Variants in PCYT1B observed in about 807,000 individuals in gnomAD.
PCYT1B encodes phosphate cytidylyltransferase 1B, choline, also known as choline-phosphate cytidylyltransferase B.
A neutral mutation model predicts 26.4 loss-of-function variants in PCYT1B; 10 were observed. The observed-to-expected ratio is 0.38, with a 90% CI of 0.23 to 0.64. The LOEUF is 0.64. Among genes scored for constraint, PCYT1B ranks in the 30% least tolerant of loss-of-function variants. The probability of loss-of-function intolerance (pLI) is 0.56; values close to 1 mark genes in which losing one functional copy is unlikely to be tolerated. For synonymous variants in PCYT1B, 131 were observed against 108.4 expected, an observed-to-expected ratio of 1.21 and a Z score of -1.29; for missense variants, 161 against 292.7, an observed-to-expected ratio of 0.55 and a Z score of 3.28.
At chrX:24,612,238 C>A (rs1267241527) in intron 2 of PCYT1B, among the ~76,000 whole-genome samples, 3 of 112,583 alleles carry the variant, frequency 2.7e-5, no homozygotes, top group Non-Finnish European at 5.6e-5. Context: ...AGCTTGGAAG[C>A]AGATCTAACA....
chrX:24,647,068 C>G lies in PCYT1B; in HGVS notation c.38G>C (p.Gly13Ala). ...VVTTDAESET[G>A]IPKSLSNEPP... ...CTCATTGGAAAGGGATTTTGGGATA[C>G]CTGTTTCTGACTCAGCATCAGTGGT... is the stretch of plus-strand genomic sequence containing the variant. The change falls in exon 1 of 8, where the codon GGT (glycine) becomes GCT (alanine). Residue 13 changes from glycine to alanine, a missense_variant. By Grantham distance (60) the Gly-to-Ala change is moderately conservative. Coordinates refer to ENST00000379144, the MANE Select transcript of PCYT1B (RefSeq NM_004845.5). 8.3e-7 allele frequency: 1 copy of G among 1,210,254 alleles called. No homozygotes were observed. The highest frequency in any genetic ancestry group is 1.1e-6 in the Non-Finnish European group (1 of 894,136).
chrX:24,593,460 CT>C (rs1924658285), intron 3 of PCYT1B, among the ~76,000 whole-genome samples: 2 of 10,597 alleles, frequency 1.9e-4, no homozygotes, highest in South Asian at 3.4e-3. Context: ...CTTTTCTTTT[CT>C]TTTCTTTTCT....
chrX:24,593,408 C>A (rs745594836), intron 3 of PCYT1B, among the ~76,000 whole-genome samples: 1 of 90,339 alleles, frequency 1.1e-5, no homozygotes, highest in South Asian at 5.0e-4. Context: ...CTTTCCCTTT[C>A]TTTCTTTCTC....
chrX:24,561,515 T>C lies in PCYT1B; in HGVS notation c.*778A>G, dbSNP rs567643846. 8.9e-6 allele frequency: 1 copy of C among 112,465 alleles called. No homozygotes were observed. The highest frequency in any genetic ancestry group is 1.9e-5 in the Non-Finnish European group (1 of 53,349). The allele number at this position is 112,465 out of a possible 1,213,427, so 9.3% of individuals were successfully genotyped here. On this transcript the variant is annotated 3_prime_UTR_variant, in exon 8 of 8. Transcript: ENST00000379144. Reference sequence around the variant, plus strand: ...GCAAAGCAAAGCAGCTCCTCTTTTTTATATATTAGGAAGTTTTTCTTTGTT... The same window carrying C: ...GCAAAGCAAAGCAGCTCCTCTTTTTCATATATTAGGAAGTTTTTCTTTGTT...
intron 1 of PCYT1B, among the ~76,000 whole-genome samples, chrX:24,659,488 A>T (rs561056968): frequency 1.2e-3 from 140 of 112,109 alleles, no homozygotes; most frequent in Non-Finnish European, 2.3e-3. Context: ...GTGAGAAATG[A>T]TCTTTCCAAA....
intron 1 of PCYT1B, among the ~76,000 whole-genome samples, chrX:24,669,554 T>C (rs1265221460): frequency 9.4e-6 from 1 of 106,516 alleles, no homozygotes; most frequent in Non-Finnish European, 1.9e-5. Context: ...AGGAACTGAA[T>C]TTTAAATTTT....
chrX:24,559,383 GAAAGAA>G lies in PCYT1B; in HGVS notation c.*2904_*2909del, dbSNP rs1327934365. On this transcript the variant is annotated 3_prime_UTR_variant, in exon 8 of 8. Transcript: ENST00000379144. ...GAATGAAAGAAAGAAGGAAGAAAGA[GAAAGAA>G]AAAGAAAGAAAGAAAAAGAGGAAAG... 2.3e-5 allele frequency: 2 copies of G among 88,198 alleles called. No homozygotes were observed. The highest frequency in any genetic ancestry group is 1.3e-4 in the Admixed American group (1 of 7,638). 7.3% of individuals were successfully genotyped at this position (88,198 alleles called of 1,213,427 possible).
chrX:24,649,506 A>G (rs1391498068), upstream of PCYT1B, among the ~76,000 whole-genome samples: 6 of 111,661 alleles, frequency 5.4e-5, no homozygotes, highest in Non-Finnish European at 1.1e-4. Context: ...CACTGTTCAC[A>G]TTGGAAAGCA....
At chrX:24,588,225 G>T (rs967232394) in intron 4 of PCYT1B, among the ~76,000 whole-genome samples, 2 of 110,773 alleles carry the variant, frequency 1.8e-5, no homozygotes, top group Non-Finnish European at 3.8e-5. Flanking sequence ...TCTCTCCATT[G>T]CAACTACACC....
intron 2 of PCYT1B, among the ~76,000 whole-genome samples, chrX:24,611,611 C>G (rs1356112648): frequency 2.7e-5 from 3 of 111,595 alleles, no homozygotes; most frequent in African/African-American, 9.8e-5. Flanking sequence ...GGACCTGTAA[C>G]TTGCTTCTAA....
At chrX:24,587,119 G>A (rs1236700950) in intron 5 of PCYT1B, 122 bp downstream of exon 5, 4 of 483,059 alleles carry the variant, frequency 8.3e-6, no homozygotes, top group Non-Finnish European at 1.4e-5. Context: ...CCGCCTGGGG[G>A]ACACCTAAAG....
intron 1 of PCYT1B, among the ~76,000 whole-genome samples, chrX:24,619,907 C>CA (rs1925646382): frequency 8.9e-6 from 1 of 112,521 alleles, no homozygotes; most frequent in Admixed American, 9.4e-5. Flanking sequence ...ATGAAAACCT[C>CA]ACTCTCTCCA....
chrX:24,642,686 G>A (rs1926503440), intron 1 of PCYT1B, among the ~76,000 whole-genome samples: 1 of 111,909 alleles, frequency 8.9e-6, no homozygotes, highest in Non-Finnish European at 1.9e-5. Context: ...AATTCCAGTT[G>A]ACCACAGTAA....
intron 1 of PCYT1B, 115 bp downstream of exon 1, chrX:24,646,874 C>T: frequency 1.7e-6 from 1 of 579,917 alleles, no homozygotes; most frequent in East Asian, 3.3e-5. Flanking sequence ...CGGTAGCGCT[C>T]TTCTCATTTA....
chrX:24,579,731 C>T (rs1924145603), intron 5 of PCYT1B, among the ~76,000 whole-genome samples: 1 of 111,574 alleles, frequency 9.0e-6, no homozygotes. Flanking sequence ...CCTTTCCTTT[C>T]TGCCCTGGAT....
intron 5 of PCYT1B, among the ~76,000 whole-genome samples, chrX:24,581,378 G>A (rs1332088522): frequency 8.9e-6 from 1 of 111,949 alleles, no homozygotes; most frequent in Admixed American, 9.4e-5. Flanking sequence ...GAGCTGTGCA[G>A]TAGGCTGACC....
chrX:24,566,958 G>A (rs1190752230), intron 7 of PCYT1B, among the ~76,000 whole-genome samples: 1 of 111,969 alleles, frequency 8.9e-6, no homozygotes, highest in East Asian at 2.8e-4. Flanking sequence ...GAAAAAAAAG[G>A]TGCAGTACAA....
At chrX:24,603,161 C>G (rs1925021600) in intron 3 of PCYT1B, among the ~76,000 whole-genome samples, 1 of 112,448 alleles carries the variant, frequency 8.9e-6, no homozygotes. Context: ...ACAGATTTTT[C>G]AAAATTCTTT....
At chrX:24,663,046 A>G (rs1348642541) in intron 1 of PCYT1B, among the ~76,000 whole-genome samples, 1 of 112,154 alleles carries the variant, frequency 8.9e-6, no homozygotes, top group Non-Finnish European at 1.9e-5. Flanking sequence ...TAGATGAAGC[A>G]AGATGGGTCA....
Sources: allele counts gnomAD v4.1 joint callset (sites outside exome capture counted in the v4.1 genomes callset), GRCh38; gene constraint gnomAD v4.1.1; transcripts MANE v1.5; gene names NCBI Gene and HGNC (gene_info 2026-07-23, HGNC 2026-07-21).